GSE1: variants seen among roughly 807,000 people sequenced by gnomAD.
The protein encoded by GSE1 is Gse1 coiled-coil protein.
A neutral mutation model predicts 112.6 loss-of-function variants in GSE1; 32 were observed. The ratio of observed to expected loss-of-function variants is 0.28; its 90% CI spans 0.21 to 0.38. GSE1 has a LOEUF of 0.38. GSE1 is among the 10% of genes least tolerant of loss of function. The pLI, the probability that GSE1 is intolerant of heterozygous loss-of-function variation, is 1.00. For synonymous variants in GSE1, 1,115 were observed against 735.6 expected (o/e 1.52, Z -8.35); for missense variants, 2,348 against 1,699.2 (o/e 1.38, Z -6.71).
At chr16:85,626,702 A>G (rs568488772) in intron 1 of GSE1, among the ~76,000 whole-genome samples, 14 of 152,244 alleles carry the variant, frequency 9.2e-5, no homozygotes, top group Non-Finnish European at 1.8e-4. Context: ...TACAGAGCAC[A>G]GAGGGAGCAG....
At chr16:85,307,615 G>GAT (rs1245489709) in intron 1 of GSE1, among the ~76,000 whole-genome samples, 54 of 99,362 alleles carry the variant, frequency 5.4e-4, no homozygotes, top group Admixed American at 3.1e-3. Context: ...ATGGCACACA[G>GAT]CATTGCCAAC....
chr16:85,652,308 C>A (rs886161679), intron 3 of GSE1, among the ~76,000 whole-genome samples: 2 of 152,220 alleles, frequency 1.3e-5, no homozygotes, highest in African/African-American at 4.8e-5. Context: ...TCGGCCACTC[C>A]CCCACTACCC....
chr16:85,431,838 T>G (rs1452057152), intron 2 of GSE1, among the ~76,000 whole-genome samples: 1 of 152,212 alleles, frequency 6.6e-6, no homozygotes, highest in Admixed American at 6.5e-5. Flanking sequence ...CCAATCCCAT[T>G]GTTCCTGACA....
intron 1 of GSE1, among the ~76,000 whole-genome samples, chr16:85,341,217 CAG>C (rs559463271): frequency 2.5e-4 from 38 of 150,954 alleles, no homozygotes; most frequent in East Asian, 7.8e-4. Context: ...TTTAAATAAA[CAG>C]GGTGTTGTTC....
At chr16:85,184,150 G>T (rs1235323925) in intron 1 of GSE1, among the ~76,000 whole-genome samples, 1 of 152,180 alleles carries the variant, frequency 6.6e-6, no homozygotes, top group Non-Finnish European at 1.5e-5. Flanking sequence ...TGAGAATTCT[G>T]CCTGGGGAGT....
intron 2 of GSE1, among the ~76,000 whole-genome samples, chr16:85,527,313 A>G (rs543290813): frequency 1.3e-5 from 2 of 152,334 alleles, no homozygotes; most frequent in South Asian, 4.1e-4. Context: ...GATTGATGAG[A>G]AGGCCACTGC....
At chr16:85,241,469 G>T (rs554576059) in intron 1 of GSE1, among the ~76,000 whole-genome samples, 6 of 152,206 alleles carry the variant, frequency 3.9e-5, no homozygotes, top group Admixed American at 1.3e-4. Flanking sequence ...TTACACCAGG[G>T]AAATGGGCGG....
intron 1 of GSE1, among the ~76,000 whole-genome samples, chr16:85,214,759 A>G (rs1422564135): frequency 6.6e-6 from 1 of 151,874 alleles, no homozygotes. Context: ...ATGGCCTGGT[A>G]TCCTAGGCAG....
At chr16:85,511,126 G>T (rs1274398318) in intron 2 of GSE1, among the ~76,000 whole-genome samples, 4 of 152,240 alleles carry the variant, frequency 2.6e-5, no homozygotes, top group Non-Finnish European at 1.5e-5. Flanking sequence ...ACGGATGGAA[G>T]AGGTGCTGAC....
intron 2 of GSE1, among the ~76,000 whole-genome samples, chr16:85,473,895 A>G (rs1053238769): frequency 2.0e-5 from 3 of 151,964 alleles, no homozygotes; most frequent in African/African-American, 7.2e-5. Context: ...AGGCACTAGC[A>G]TGACCAGCTC....
rs575009120 is a variant in GSE1, at chr16:85,268,507, G to A, written c.2284-88956G>A. 2.5e-4 allele frequency among the ~76,000 whole-genome samples: 38 copies of A among 152,236 alleles called. 2 individuals are homozygous for A. The highest frequency in any genetic ancestry group is 8.7e-4 in the African/African-American group (36 of 41,536). On this transcript the variant is annotated intron_variant, in intron 1 of 2. Transcript: ENST00000637419. ...GAGTGGGGAGGGGGGTTGCCAGTCA[G>A]GGGTGCTGGCTTTGGGCTGCGAGCC...
At chr16:85,176,834 A>C (rs2074476579) in intron 1 of GSE1, among the ~76,000 whole-genome samples, 1 of 152,242 alleles carries the variant, frequency 6.6e-6, no homozygotes, top group East Asian at 1.9e-4. Flanking sequence ...GGCCACGTGC[A>C]CATCTGTTTC....
At chr16:85,578,184 A>G (rs926856185) in intron 1 of GSE1, among the ~76,000 whole-genome samples, 2 of 152,134 alleles carry the variant, frequency 1.3e-5, no homozygotes, top group African/African-American at 4.8e-5. Flanking sequence ...GCCGCCCCAG[A>G]TATTGTGCGC....
intron 2 of GSE1, among the ~76,000 whole-genome samples, chr16:85,485,094 C>T (rs1261676738): frequency 6.6e-6 from 1 of 152,230 alleles, no homozygotes; most frequent in Non-Finnish European, 1.5e-5. Context: ...ACTTCCGCCA[C>T]CACAGACAAA....
chr16:85,303,205 G>A (rs773179297), intron 1 of GSE1, among the ~76,000 whole-genome samples: 12 of 152,250 alleles, frequency 7.9e-5, no homozygotes, highest in Non-Finnish European at 1.0e-4. Context: ...AACGGGAAGC[G>A]GAGGCGGAGT....
At chr16:85,297,152 TC>T (rs1305104360) in intron 1 of GSE1, among the ~76,000 whole-genome samples, 1 of 152,220 alleles carries the variant, frequency 6.6e-6, no homozygotes, top group African/African-American at 2.4e-5. Flanking sequence ...GCTGGCACCC[TC>T]CAGGGTTGTC....
At chr16:85,504,611 A>G (rs4072119) in intron 2 of GSE1, among the ~76,000 whole-genome samples, 4,612 of 152,332 alleles carry the variant, frequency 0.03, 123 homozygotes, top group South Asian at 0.12. Flanking sequence ...TTGGGAAATA[A>G]AGAGATGAAA....
intron 1 of GSE1, among the ~76,000 whole-genome samples, chr16:85,187,399 C>T (rs558873396): frequency 9.3e-4 from 142 of 152,350 alleles, no homozygotes; most frequent in South Asian, 2.1e-4. Flanking sequence ...CCGGGGCCCC[C>T]GCTTCCTGGA....
In GSE1 at chr16:85,204,940, C is replaced by T. The variant is rs549458182; in HGVS notation, c.2283+33133C>T. On this transcript the variant is annotated intron_variant, in intron 1 of 2. Transcript: ENST00000637419. ...TTCTGGAGTCCATGCAGTTGAAGCCCCTGGGCCAGGACACTCCAAAAGGGA... is the reference window on the plus strand; with the variant it reads ...TTCTGGAGTCCATGCAGTTGAAGCCTCTGGGCCAGGACACTCCAAAAGGGA... Among the ~76,000 whole-genome samples, 6 of 152,282 alleles carry T rather than the reference C, an allele frequency of 3.9e-5. No individual in the cohort carries two copies. The East Asian group carries it at 5.8e-4, about 15-fold the overall frequency.
Sources: gnomAD v4.1 joint callset for allele counts (sites outside exome capture counted in the v4.1 genomes callset) on GRCh38, gnomAD v4.1.1 for gene constraint, MANE v1.5 for transcripts, NCBI Gene and HGNC (gene_info 2026-07-23, HGNC 2026-07-21) for gene names.